Variants in DHRS2 observed in about 807,000 individuals in gnomAD.
DHRS2 encodes dehydrogenase/reductase 2.
A neutral mutation model predicts 26.3 loss-of-function variants in DHRS2; 29 were observed. The ratio of observed to expected loss-of-function variants is 1.10; its 90% CI spans 0.82 to 1.50. The LOEUF is 1.50. Among genes scored for constraint, DHRS2 ranks in the 40% most tolerant of loss-of-function variants. The pLI is 0.00. For synonymous variants in DHRS2, 164 were observed against 151.3 expected (o/e 1.08, Z -0.62); for missense variants, 439 against 367.1 (o/e 1.20, Z -1.60).
chr14:23,641,744 C>T, intron 4 of DHRS2: 1 of 1,289,626 alleles, frequency 7.8e-7, no homozygotes, highest in Admixed American at 2.3e-5. Flanking sequence ...CACTGGTAAC[C>T]TGTCATCAAA....
chr14:23,635,766 A>C (rs1202875355), upstream of DHRS2, among the ~76,000 whole-genome samples: 2 of 152,230 alleles, frequency 1.3e-5, no homozygotes, highest in African/African-American at 4.8e-5. Context: ...GCCAAGGCCG[A>C]AGCCAGCTCC....
intron 4 of DHRS2, chr14:23,642,145 A>G: frequency 2.9e-6 from 3 of 1,033,632 alleles, no homozygotes; most frequent in Non-Finnish European, 3.5e-6. Context: ...CAGCATGGCA[A>G]TTCTCTGTTG....
chr14:23,641,937 C>T lies in DHRS2; in HGVS notation c.421-1215C>T, dbSNP rs1211980214. 3.4e-6 allele frequency: 4 copies of T among 1,163,690 alleles called. No individual in the cohort carries two copies. The African/African-American group carries it at 4.8e-5, about 14-fold the overall frequency. 72.1% of individuals were successfully genotyped at this position (1,163,690 alleles called of 1,614,324 possible). The stretch of plus-strand genomic sequence containing the variant: ...AGGACAGATCCCTGCAGGAGGGACT[C>T]CTGGTGCCATGTCAGTCCCACCTGG... On this transcript the variant is annotated intron_variant, in intron 4 of 8. Transcript: ENST00000250383.
rs763612938 is a variant in DHRS2, at chr14:23,644,447, G to T, written c.579G>T (p.Leu193=). The stretch of plus-strand genomic sequence containing the variant: ...ACAATGTCAGCAAGACAGCGCTGCT[G>T]GGTCTCACTAGAACACTGGCATTGG... ...GVYNVSKTAL[L]GLTRTLALEL... The change falls in exon 7 of 9, where the codon CTG becomes CTT. Residue 193 remains leucine (L), a synonymous_variant. Coordinates refer to ENST00000250383, the MANE Select transcript of DHRS2 (RefSeq NM_005794.4). 3 of 1,614,172 alleles carry T rather than the reference G, an allele frequency of 1.9e-6. No homozygotes were observed. The highest frequency in any genetic ancestry group is 2.5e-6 in the Non-Finnish European group (3 of 1,180,036).
intron 6 of DHRS2, 91 bp downstream of exon 6, chr14:23,644,253 A>G: frequency 6.4e-7 from 1 of 1,563,604 alleles, no homozygotes; most frequent in South Asian, 1.1e-5. Context: ...AGTGCCTGGG[A>G]CAGACCCCCA....
At position 23,638,953 on chromosome 14, in the gene DHRS2, G is replaced by A. The variant is rs1304527729; in HGVS notation, c.89G>A (p.Arg30Lys). ...SVRMSSTGID[R>K]KGVLANRVAV... is the part of the protein sequence containing the mutation. ...AGGATGAGCAGCACCGGGATAGACAGGAAGGGCGTCCTGGCTAACCGGGTA... is the reference window on the plus strand; with the variant it reads ...AGGATGAGCAGCACCGGGATAGACAAGAAGGGCGTCCTGGCTAACCGGGTA... The change falls in exon 2 of 9, where the codon AGG becomes AAG. Residue 30 changes from arginine (R) to lysine (K), a missense_variant. Transcript: ENST00000250383. The A allele has an allele frequency of 6.2e-7, 1 of 1,613,998 alleles. No homozygotes were observed. The highest frequency in any genetic ancestry group is 8.5e-7 in the Non-Finnish European group (1 of 1,180,050).
intron 1 of DHRS2, chr14:23,638,087 G>A (rs372854512): frequency 6.6e-5 from 10 of 152,382 alleles, no homozygotes; most frequent in African/African-American, 2.2e-4. Context: ...TCACCACGAA[G>A]GTCTGCAACT....
chr14:23,644,402 T>C lies in DHRS2; in HGVS notation c.541-7T>C. 6.2e-7 allele frequency: 1 copy of C among 1,614,076 alleles called. No homozygotes were observed. Among genetic ancestry groups the C allele is most frequent in the Non-Finnish European group, 8.5e-7 (1 of 1,180,024 alleles). On this transcript the variant is annotated splice_region_variant and splice_polypyrimidine_tract_variant and intron_variant, in intron 6 of 8. Coordinates refer to ENST00000250383, the MANE Select transcript of DHRS2 (RefSeq NM_005794.4). ...TATCCTAATCACTCTGTCAATTCCC[T>C]TCCCAGGCGCTGGGTGTCTACAATG...
Position 23,645,277 on chromosome 14 carries a change from C to T in DHRS2, c.*24C>T. 1 of 1,613,890 alleles carries T rather than the reference C, an allele frequency of 6.2e-7. No homozygotes were observed. The highest frequency in any genetic ancestry group is 8.5e-7 in the Non-Finnish European group (1 of 1,180,044). ...GAGAGGAGTGGGGGCGGCTGCGTAGCTGTGGTCCCAGGCCCAGGAGCCTGA... is the reference window on the plus strand; with the variant it reads ...GAGAGGAGTGGGGGCGGCTGCGTAGTTGTGGTCCCAGGCCCAGGAGCCTGA... On this transcript the variant is annotated 3_prime_UTR_variant, in exon 9 of 9. Coordinates refer to ENST00000250383, the MANE Select transcript of DHRS2 (RefSeq NM_005794.4).
upstream of DHRS2, among the ~76,000 whole-genome samples, chr14:23,635,221 C>A (rs779330342): frequency 1.1e-3 from 163 of 152,212 alleles, no homozygotes; most frequent in Non-Finnish European, 2.1e-3. Flanking sequence ...CACCACCACA[C>A]CCAGCTAATT....
chr14:23,641,558 C>T (rs1890669202), intron 4 of DHRS2: 1 of 1,257,478 alleles, frequency 8.0e-7, no homozygotes, highest in African/African-American at 1.5e-5. Context: ...GCCCCTCACT[C>T]AGCCTGATGC....
rs1890282412 is a variant in DHRS2 at position 23,636,393 on chromosome 14, G to C, written c.-418G>C. The stretch of plus-strand genomic sequence containing the variant: ...ACCTGCTCTGGTTCCCTTCCACGCT[G>C]TGGAAGCTTTGTTCTTTTGGTCTTC... On this transcript the variant is annotated 5_prime_UTR_variant, in exon 1 of 9. Coordinates refer to ENST00000250383, the MANE Select transcript of DHRS2 (RefSeq NM_005794.4). 6.6e-6 allele frequency: 1 copy of C among 152,116 alleles called. No homozygotes were observed. Among genetic ancestry groups the C allele is most frequent in the Admixed American group, 6.5e-5 (1 of 15,282 alleles). The allele number at this position is 152,116 out of a possible 1,614,324, so 9.4% of individuals were successfully genotyped here.
intron 4 of DHRS2, chr14:23,641,833 GA>G (rs1173962388): frequency 1.6e-6 from 2 of 1,254,170 alleles, no homozygotes; most frequent in Non-Finnish European, 2.1e-6. Context: ...TTGGGGGGTG[GA>G]AAAAACAGTG....
intron 4 of DHRS2, 60 bp from the exon 5 acceptor site, chr14:23,643,092 G>A (rs1890733337): frequency 6.4e-7 from 1 of 1,566,568 alleles, no homozygotes; most frequent in Admixed American, 1.7e-5. Flanking sequence ...TGTCTTATGA[G>A]AGCAGGACTT....
intron 4 of DHRS2, 57 bp downstream of exon 4, chr14:23,639,952 C>G (rs561528387): frequency 1.3e-4 from 182 of 1,379,348 alleles, no homozygotes; most frequent in Non-Finnish European, 1.7e-4. Flanking sequence ...CTGCACTGGG[C>G]TCCAGCATGC....
chr14:23,644,002 G>T, intron 5 of DHRS2, 109 bp from the exon 6 acceptor site: 1 of 1,113,832 alleles, frequency 9.0e-7, no homozygotes, highest in South Asian at 1.2e-5. Context: ...GACAGTAATA[G>T]GACCTGTGTT....
In DHRS2 at chr14:23,643,231, C is replaced by T. The variant is rs191176816; in HGVS notation, c.488+12C>T. The T allele has an allele frequency of 1.2e-3, 1,885 of 1,613,006 alleles. 11 individuals are homozygous for T. The East Asian group carries it at 0.014, about 12-fold the overall frequency. On this transcript the variant is annotated intron_variant, in intron 5 of 8. Coordinates refer to ENST00000250383, the MANE Select transcript of DHRS2 (RefSeq NM_005794.4). ...TACATGGAGAACAGGTATGGCAGGGCGGGGGTGGGGACCAGTCGGAGTTGG... is the reference window on the plus strand; with the variant it reads ...TACATGGAGAACAGGTATGGCAGGGTGGGGGTGGGGACCAGTCGGAGTTGG...
intron 7 of DHRS2, 127 bp from the exon 8 acceptor site, chr14:23,644,700 C>A (rs888909022): frequency 3.1e-5 from 46 of 1,481,078 alleles, no homozygotes; most frequent in Admixed American, 1.2e-4. Flanking sequence ...GTCCATCCAT[C>A]CTGAAAAGAT....
Position 23,643,232 on chromosome 14 carries a change from G to C in DHRS2, c.488+13G>C. On this transcript the variant is annotated intron_variant, in intron 5 of 8. Transcript: ENST00000250383. ...ACATGGAGAACAGGTATGGCAGGGC[G>C]GGGGTGGGGACCAGTCGGAGTTGGG... 6.2e-7 allele frequency: 1 copy of C among 1,613,246 alleles called. No individual in the cohort carries two copies. The highest frequency in any genetic ancestry group is 8.5e-7 in the Non-Finnish European group (1 of 1,179,708).
Sources: allele counts gnomAD v4.1 joint callset (sites outside exome capture counted in the v4.1 genomes callset), GRCh38; gene constraint gnomAD v4.1.1; transcripts MANE v1.5; gene names NCBI Gene and HGNC (gene_info 2026-07-23, HGNC 2026-07-21).